TMEM161B: variants seen among roughly 807,000 people sequenced by gnomAD.
TMEM161B encodes the protein transmembrane protein 161B.
A neutral mutation model predicts 61.8 loss-of-function variants in TMEM161B; 34 were observed. The observed-to-expected ratio is 0.55, with a 90% confidence interval of 0.42 to 0.73. The LOEUF is 0.73. Among genes scored for constraint, TMEM161B ranks in the 30% least tolerant of loss-of-function variants. The pLI is 0.00. For synonymous variants in TMEM161B, 167 were observed against 192.8 expected (o/e 0.87, Z 1.11); for missense variants, 456 against 558.5 (o/e 0.82, Z 1.85).
At chr5:88,223,710 A>G (rs1476964550) in intron 4 of TMEM161B, among the ~76,000 whole-genome samples, 1 of 151,928 alleles carries the variant, frequency 6.6e-6, no homozygotes, top group Non-Finnish European at 1.5e-5. Flanking sequence ...ACACGGTGAA[A>G]CCCCGTCTCC....
chr5:88,249,940 C>T (rs569133593), intron 1 of TMEM161B, among the ~76,000 whole-genome samples: 74 of 152,234 alleles, frequency 4.9e-4, no homozygotes, highest in Admixed American at 1.8e-3. Context: ...CCTCAGGAAC[C>T]CACAACAAAG....
intron 3 of TMEM161B, 62 bp from the exon 4 acceptor site, chr5:88,225,928 T>C (rs1675360114): frequency 2.9e-6 from 3 of 1,037,574 alleles, no homozygotes; most frequent in African/African-American, 3.2e-5. Context: ...CAAGTGCTTG[T>C]TTCAAACTAA....
At chr5:88,225,650 T>C (rs1269459541) in intron 4 of TMEM161B, 119 bp downstream of exon 4, 3 of 577,422 alleles carry the variant, frequency 5.2e-6, no homozygotes, top group African/African-American at 3.9e-5. Context: ...TTTGAGCTTC[T>C]AAGTTCTTAG....
chr5:88,245,666 T>C (rs1231611250), intron 1 of TMEM161B, among the ~76,000 whole-genome samples: 1 of 152,020 alleles, frequency 6.6e-6, no homozygotes, highest in African/African-American at 2.4e-5. Flanking sequence ...TGTTAAATGG[T>C]ATTTCAGAAA....
chr5:88,234,861 T>C (rs1436805277), intron 2 of TMEM161B, among the ~76,000 whole-genome samples: 1 of 152,130 alleles, frequency 6.6e-6, no homozygotes, highest in Non-Finnish European at 1.5e-5. Context: ...GCCTAGGAGT[T>C]TGAAACCAGC....
Position 88,197,759 on chromosome 5 carries a change from G to A in TMEM161B, c.1096C>T (p.Arg366Ter). The change falls in exon 11 of 12, where the codon CGA (arginine) becomes TGA (stop). Residue 366 changes from arginine (R) to a stop codon, truncating the protein, a stop_gained. Transcript: ENST00000296595. LOFTEE classifies it high-confidence loss of function. ...ATGACACAAAGATAATAAAAGACTC[G>A]AGCCACCTGCAACCAACAACATTCT... The part of the protein sequence containing the change: ...STVELQKMVA[R>*]VFYYLCVIAL... 6.2e-7 allele frequency: 1 copy of A among 1,611,702 alleles called. No homozygotes were observed. Among genetic ancestry groups the A allele is most frequent in the Non-Finnish European group, 8.5e-7 (1 of 1,178,698 alleles).
chr5:88,253,138 T>C (rs1754554477), intron 1 of TMEM161B, among the ~76,000 whole-genome samples: 1 of 152,170 alleles, frequency 6.6e-6, no homozygotes, highest in South Asian at 2.1e-4. Flanking sequence ...ATTGATACAC[T>C]CTTTCTTTAG....
intron 3 of TMEM161B, 87 bp from the exon 4 acceptor site, chr5:88,225,953 T>C: frequency 1.2e-6 from 1 of 835,564 alleles, no homozygotes; most frequent in Admixed American, 2.7e-5. Context: ...AGATGAAGTT[T>C]TAAATTTCAC....
intron 9 of TMEM161B, chr5:88,200,952 T>G (rs745574517): frequency 3.3e-5 from 5 of 152,132 alleles, no homozygotes; most frequent in Non-Finnish European, 5.9e-5. Flanking sequence ...CCAATTTGTC[T>G]GTGACAGAAG....
At chr5:88,265,196 C>T (rs1380432854) in intron 1 of TMEM161B, among the ~76,000 whole-genome samples, 2 of 152,108 alleles carry the variant, frequency 1.3e-5, no homozygotes, top group African/African-American at 4.8e-5. Flanking sequence ...ACAGGTGATT[C>T]CTATGCAAAC....
chr5:88,198,909 CA>C, intron 10 of TMEM161B, 66 bp downstream of exon 10: 11 of 1,275,198 alleles, frequency 8.6e-6, no homozygotes, highest in Middle Eastern at 2.8e-4. Flanking sequence ...TAAAGGAAAC[CA>C]ATTTTTTTTT....
At chr5:88,220,982 A>C (rs984925781) in intron 4 of TMEM161B, among the ~76,000 whole-genome samples, 11 of 152,218 alleles carry the variant, frequency 7.2e-5, no homozygotes, top group African/African-American at 2.4e-4. Context: ...AGTTGTTGGT[A>C]AAGTATGATT....
chr5:88,251,006 G>C (rs1754274607), intron 1 of TMEM161B: 1 of 152,224 alleles, frequency 6.6e-6, no homozygotes, highest in Non-Finnish European at 1.5e-5. Flanking sequence ...AACTGACTGA[G>C]TGAGACTGAT....
intron 5 of TMEM161B, among the ~76,000 whole-genome samples, chr5:88,214,079 T>C (rs767364040): frequency 1.3e-5 from 2 of 152,220 alleles, no homozygotes; most frequent in African/African-American, 2.4e-5. Context: ...AAACAACATT[T>C]GTAGACTTTT....
At position 88,268,841 on chromosome 5, in the gene TMEM161B, G is replaced by T; in HGVS notation, c.-118C>A. 6.4e-7 allele frequency: 1 copy of T among 1,558,154 alleles called. No homozygotes were observed. The highest frequency in any genetic ancestry group is 1.2e-5 in the South Asian group (1 of 86,764). ...AAACAGCGAAAGAGAGGGTCTTCCG[G>T]CTCTGCCGGAAGTTGTGCGCGCGCG... On this transcript the variant is annotated 5_prime_UTR_variant, in exon 1 of 12. Transcript: ENST00000296595.
chr5:88,205,905 A>C lies in TMEM161B; in HGVS notation c.709T>G (p.Ser237Ala), dbSNP rs1268441501. Reference protein sequence around the residue: ...TFKFFLAIFCSFIGAFLTFPG... With the variant: ...TFKFFLAIFCAFIGAFLTFPG... ...AATGTCAAAAAAGCCCCAATGAATG[A>C]ACAGAAAATAGCCAGGAAAAATTTG... The change falls in exon 8 of 12, where the codon TCA becomes GCA. Residue 237 changes from serine (S) to alanine (A), a missense_variant. Physicochemically the swap from Ser to Ala is moderately conservative, Grantham distance 99 (BLOSUM62 1). Transcript: ENST00000296595. 1 of 1,612,500 alleles carries C rather than the reference A, an allele frequency of 6.2e-7. No homozygotes were observed. Among genetic ancestry groups the C allele is most frequent in the South Asian group, 1.1e-5 (1 of 90,640 alleles).
intron 5 of TMEM161B, among the ~76,000 whole-genome samples, chr5:88,215,552 C>T (rs1174940939): frequency 6.6e-6 from 1 of 152,104 alleles, no homozygotes; most frequent in Non-Finnish European, 1.5e-5. Flanking sequence ...TTCTTCCCCA[C>T]CCTCTTTTTG....
intron 1 of TMEM161B, among the ~76,000 whole-genome samples, chr5:88,267,379 T>C (rs1240869775): frequency 6.6e-6 from 1 of 152,020 alleles, no homozygotes; most frequent in Non-Finnish European, 1.5e-5. Flanking sequence ...ATAGGTTATC[T>C]GGTAAAGTGC....
At chr5:88,212,083 T>G (rs746356709) in intron 5 of TMEM161B, among the ~76,000 whole-genome samples, 1 of 152,146 alleles carries the variant, frequency 6.6e-6, no homozygotes, top group Non-Finnish European at 1.5e-5. Context: ...ACTAGGTATA[T>G]GCAAAAGATT....
Sources: gnomAD v4.1 joint callset for allele counts (sites outside exome capture counted in the v4.1 genomes callset) on GRCh38, gnomAD v4.1.1 for gene constraint, MANE v1.5 for transcripts, NCBI Gene and HGNC (gene_info 2026-07-23, HGNC 2026-07-21) for gene names.